Variants in MTA3 observed in about 807,000 individuals in gnomAD.
MTA3 encodes the protein metastasis-associated protein MTA3.
Under a neutral mutation model 83.5 loss-of-function variants are expected in MTA3, and 34 were observed. That is an observed-to-expected ratio of 0.41 (90% CI 0.31 to 0.54). MTA3 has a LOEUF of 0.54. Among genes scored for constraint, MTA3 ranks in the 20% least tolerant of loss-of-function variants. The pLI, the probability that MTA3 is intolerant of heterozygous loss-of-function variation, is 0.33. For synonymous variants in MTA3, 303 were observed against 252.7 expected, an observed-to-expected ratio of 1.20 and a Z score of -1.89; for missense variants, 761 against 726.4, an observed-to-expected ratio of 1.05 and a Z score of -0.55.
chr2:42,708,638 G>T (rs1452649205), intron 13 of MTA3, among the ~76,000 whole-genome samples: 1 of 152,154 alleles, frequency 6.6e-6, no homozygotes, highest in Non-Finnish European at 1.5e-5. Flanking sequence ...CTGTGAATGT[G>T]ATTTTGGATT....
chr2:42,587,250 T>C (rs1053424267), intron 3 of MTA3, among the ~76,000 whole-genome samples: 6 of 152,034 alleles, frequency 3.9e-5, no homozygotes, highest in African/African-American at 1.4e-4. Flanking sequence ...AGGTTGAGGC[T>C]GCAGTAAGCC....
At chr2:42,698,767 G>A (rs1043675747) in intron 11 of MTA3, among the ~76,000 whole-genome samples, 2 of 152,068 alleles carry the variant, frequency 1.3e-5, no homozygotes, top group African/African-American at 4.8e-5. Flanking sequence ...TAGACAATGA[G>A]TTCTGATCTT....
At chr2:42,629,556 G>A (rs1206757744) in intron 4 of MTA3, among the ~76,000 whole-genome samples, 1 of 152,146 alleles carries the variant, frequency 6.6e-6, no homozygotes, top group Non-Finnish European at 1.5e-5. Context: ...TAATTGTAAG[G>A]TCCTTGAACA....
chr2:42,617,708 G>A (rs1158221352), intron 4 of MTA3, among the ~76,000 whole-genome samples: 1 of 151,764 alleles, frequency 6.6e-6, no homozygotes, highest in African/African-American at 2.4e-5. Flanking sequence ...CCCGGGAGGC[G>A]GACGTTGCAG....
chr2:42,753,177 C>A (rs1244195552), intron 16 of MTA3, among the ~76,000 whole-genome samples, 197 bp from the exon 17 acceptor site: 1 of 152,226 alleles, frequency 6.6e-6, no homozygotes, highest in Non-Finnish European at 1.5e-5. Flanking sequence ...CATCCACCGG[C>A]CTTGGCCTCT....
At chr2:42,556,935 C>T (rs903040293) in intron 2 of MTA3, among the ~76,000 whole-genome samples, 1 of 152,146 alleles carries the variant, frequency 6.6e-6, no homozygotes. Flanking sequence ...TTTCAGGAGC[C>T]AGCCAAGATC....
At position 42,623,545 on chromosome 2, in the gene MTA3, T is replaced by A. The variant is rs535377235; in HGVS notation, c.317+13961T>A. Among the ~76,000 whole-genome samples, 4 of 152,284 alleles carry A rather than the reference T, an allele frequency of 2.6e-5. No individual in the cohort carries two copies. In the South Asian group the frequency reaches 8.3e-4, roughly 32 times the overall value. ...ACAGGTGGCCACAGCAGGGGAAATGTTAGGACTTCCCTTTTCCTTCTCTTT... is the reference window on the plus strand; with the variant it reads ...ACAGGTGGCCACAGCAGGGGAAATGATAGGACTTCCCTTTTCCTTCTCTTT... On this transcript the variant is annotated intron_variant, in intron 4 of 16. Coordinates refer to ENST00000405094, the MANE Select transcript of MTA3 (RefSeq NM_001330442.2).
At chr2:42,641,403 C>A (rs1421419396) in intron 5 of MTA3, among the ~76,000 whole-genome samples, 1 of 152,002 alleles carries the variant, frequency 6.6e-6, no homozygotes, top group East Asian at 1.9e-4. Context: ...TTATAACTTA[C>A]CTTTGTAAAA....
chr2:42,714,784 G>A (rs745848711), intron 14 of MTA3, among the ~76,000 whole-genome samples: 2 of 152,154 alleles, frequency 1.3e-5, no homozygotes, highest in African/African-American at 4.8e-5. Context: ...GCATTAGTTA[G>A]AGGCTCATAA....
At chr2:42,547,921 A>T (rs773318971) in intron 2 of MTA3, among the ~76,000 whole-genome samples, 1 of 152,106 alleles carries the variant, frequency 6.6e-6, no homozygotes, top group African/African-American at 2.4e-5. Context: ...TTGTCTATCT[A>T]TTAAGCTAGG....
At chr2:42,575,254 T>TA (rs1678915319) in intron 2 of MTA3, among the ~76,000 whole-genome samples, 2 of 152,286 alleles carry the variant, frequency 1.3e-5, no homozygotes, top group South Asian at 4.1e-4. Context: ...TCCATATCAT[T>TA]TATCACCTCC....
intron 2 of MTA3, among the ~76,000 whole-genome samples, chr2:42,571,059 A>G (rs1157123299): frequency 6.6e-6 from 1 of 152,008 alleles, no homozygotes; most frequent in African/African-American, 2.4e-5. Flanking sequence ...GTAAAGGGGC[A>G]TAAGAGATGA....
At position 42,747,497 on chromosome 2, in the gene MTA3, G is replaced by A. The variant is rs1429967769; in HGVS notation, c.1760-5877G>A. Among the ~76,000 whole-genome samples, 11 of 152,140 alleles carry A rather than the reference G, an allele frequency of 7.2e-5. No individual in the cohort carries two copies. In the East Asian group the frequency reaches 2.2e-3, roughly 30 times the overall value. On this transcript the variant is annotated intron_variant, in intron 16 of 16. Coordinates refer to ENST00000405094, the MANE Select transcript of MTA3 (RefSeq NM_001330442.2). ...AGGTCTGCCTTGGGGAGAAAGAGGAGCAGGTGAAAGGGGGGCAGGAGAAGG... is the reference window on the plus strand; with the variant it reads ...AGGTCTGCCTTGGGGAGAAAGAGGAACAGGTGAAAGGGGGGCAGGAGAAGG...
At chr2:42,681,711 T>C (rs952624933) in intron 8 of MTA3, among the ~76,000 whole-genome samples, 1 of 151,708 alleles carries the variant, frequency 6.6e-6, no homozygotes, top group African/African-American at 2.4e-5. Context: ...GGTCTCACTA[T>C]GTTGCCCACA....
intron 2 of MTA3, among the ~76,000 whole-genome samples, chr2:42,530,536 C>T (rs1675915053): frequency 6.7e-6 from 1 of 150,202 alleles, no homozygotes; most frequent in Non-Finnish European, 1.5e-5. Context: ...TGTAATCCAA[C>T]AATTTGGGAG....
intron 2 of MTA3, 125 bp from the exon 3 acceptor site, chr2:42,578,982 G>T (rs902182588): frequency 3.4e-6 from 2 of 586,154 alleles, no homozygotes; most frequent in East Asian, 6.3e-5. Flanking sequence ...TGGTTATCCT[G>T]CAGTTGTGGT....
intron 2 of MTA3, among the ~76,000 whole-genome samples, chr2:42,561,479 C>T (rs536570227): frequency 3.9e-5 from 6 of 152,078 alleles, no homozygotes; most frequent in African/African-American, 7.2e-5. Context: ...CCTGCCACCA[C>T]GCCTGACTAA....
At chr2:42,553,955 C>T (rs191181533) in intron 2 of MTA3, among the ~76,000 whole-genome samples, 33 of 150,318 alleles carry the variant, frequency 2.2e-4, no homozygotes, top group African/African-American at 7.1e-4. Flanking sequence ...TAGTTATCAG[C>T]GGGCATGGTG....
intron 3 of MTA3, among the ~76,000 whole-genome samples, chr2:42,594,489 C>T (rs901066314): frequency 6.6e-6 from 1 of 150,408 alleles, no homozygotes; most frequent in Admixed American, 6.7e-5. Flanking sequence ...CCACCCAACT[C>T]GGACTCCCAA....
Sources: gnomAD v4.1 joint callset for allele counts (sites outside exome capture counted in the v4.1 genomes callset) on GRCh38, gnomAD v4.1.1 for gene constraint, MANE v1.5 for transcripts, NCBI Gene and HGNC (gene_info 2026-07-23, HGNC 2026-07-21) for gene names.